Variants in DIAPH2 observed in about 807,000 individuals in gnomAD.
DIAPH2 encodes diaphanous related formin 2.
A neutral mutation model predicts 92.7 loss-of-function variants in DIAPH2; 35 were observed. That is an observed-to-expected ratio of 0.38 (90% CI 0.29 to 0.50). DIAPH2 has a LOEUF of 0.50. DIAPH2 is among the 20% of genes least tolerant of loss of function. The pLI is 0.94. For missense variants in DIAPH2, 701 were observed against 819.5 expected (o/e 0.86, Z 1.77); for synonymous variants, 301 against 280.4 (o/e 1.07, Z -0.73).
intron 4 of DIAPH2, among the ~76,000 whole-genome samples, chrX:96,867,747 T>C (rs1416160992): frequency 8.9e-6 from 1 of 111,808 alleles, no homozygotes; most frequent in African/African-American, 3.2e-5. Context: ...AAATCAACTT[T>C]CATATATTTT....
At chrX:97,001,857 A>G (rs1453672402) in intron 17 of DIAPH2, among the ~76,000 whole-genome samples, 2 of 111,241 alleles carry the variant, frequency 1.8e-5, no homozygotes, top group East Asian at 5.6e-4. Context: ...AGGTAATCCT[A>G]TTTAGCAATG....
intron 16 of DIAPH2, 87 bp downstream of exon 16, chrX:96,958,235 G>T: frequency 1.0e-6 from 1 of 989,522 alleles, no homozygotes; most frequent in Non-Finnish European, 1.3e-6. Flanking sequence ...TTGAGAGTAT[G>T]ACTGCTGACT....
intron 22 of DIAPH2, among the ~76,000 whole-genome samples, chrX:97,197,964 A>G (rs185944831): frequency 8.6e-4 from 96 of 111,524 alleles, no homozygotes; most frequent in Middle Eastern, 4.6e-3. Context: ...AGAAAATGCT[A>G]TTCAGTATTC....
chrX:97,261,001 G>C (rs1311726204), intron 23 of DIAPH2, among the ~76,000 whole-genome samples: 1 of 112,678 alleles, frequency 8.9e-6, no homozygotes, highest in African/African-American at 3.2e-5. Flanking sequence ...CCATGCGTTA[G>C]TCTTTTAGAA....
chrX:96,941,972 C>A, intron 12 of DIAPH2, 46 bp from the exon 13 acceptor site: 1 of 711,664 alleles, frequency 1.4e-6, no homozygotes, highest in Non-Finnish European at 2.2e-6. Context: ...GCAAATTGAT[C>A]TGCATGGTTA....
intron 16 of DIAPH2, among the ~76,000 whole-genome samples, chrX:96,963,282 C>G (rs1490979784): frequency 9.0e-6 from 1 of 111,205 alleles, no homozygotes; most frequent in African/African-American, 3.3e-5. Context: ...TAGCCAGTAT[C>G]ACACCACTGC....
intron 26 of DIAPH2, among the ~76,000 whole-genome samples, chrX:97,441,372 T>C (rs1241074287): frequency 9.0e-6 from 1 of 110,650 alleles, no homozygotes; most frequent in African/African-American, 3.3e-5. Context: ...GAAGTCAGAT[T>C]GCATTGAGTT....
intron 23 of DIAPH2, among the ~76,000 whole-genome samples, chrX:97,329,550 A>G (rs1489040752): frequency 2.7e-5 from 3 of 111,319 alleles, no homozygotes; most frequent in African/African-American, 9.8e-5. Flanking sequence ...AACCTGTTCT[A>G]TCAGTTGTTG....
chrX:96,967,121 G>A (rs1343588901), intron 17 of DIAPH2, among the ~76,000 whole-genome samples: 1 of 111,290 alleles, frequency 9.0e-6, no homozygotes, highest in Non-Finnish European at 1.9e-5. Flanking sequence ...GGTTTGGGAC[G>A]CAAATGATCC....
intron 10 of DIAPH2, among the ~76,000 whole-genome samples, chrX:96,936,451 T>C (rs758864770): frequency 4.5e-5 from 5 of 111,890 alleles, no homozygotes; most frequent in Non-Finnish European, 9.4e-5. Flanking sequence ...ATTATCGATT[T>C]GGGTTTTGAA....
intron 22 of DIAPH2, among the ~76,000 whole-genome samples, chrX:97,240,131 G>A (rs757818108): frequency 5.4e-5 from 6 of 110,618 alleles, no homozygotes; most frequent in Non-Finnish European, 1.1e-4. Context: ...AAATGCCAAG[G>A]AAATACAGAC....
intron 3 of DIAPH2, among the ~76,000 whole-genome samples, chrX:96,756,866 A>G (rs1267088398): frequency 9.3e-6 from 1 of 107,717 alleles, no homozygotes; most frequent in African/African-American, 3.4e-5. Flanking sequence ...CCACAGATTA[A>G]TGATGTTGAA....
chrX:97,573,615 A>G (rs1224981818), intron 26 of DIAPH2, among the ~76,000 whole-genome samples: 2 of 109,682 alleles, frequency 1.8e-5, no homozygotes, highest in African/African-American at 6.6e-5. Flanking sequence ...ATAAAATAAA[A>G]TGGTATCAAG....
At chrX:96,779,890 G>A (rs1357068234) in intron 4 of DIAPH2, among the ~76,000 whole-genome samples, 3 of 111,591 alleles carry the variant, frequency 2.7e-5, no homozygotes, top group African/African-American at 9.8e-5. Context: ...GTTTTTTTCC[G>A]ATTCTGTTTT....
chrX:97,088,064 C>T (rs2066796271), intron 19 of DIAPH2, among the ~76,000 whole-genome samples: 1 of 111,905 alleles, frequency 8.9e-6, no homozygotes, highest in Non-Finnish European at 1.9e-5. Context: ...TTTCCTCCAT[C>T]AATTCATTTT....
intron 17 of DIAPH2, among the ~76,000 whole-genome samples, chrX:96,977,497 A>G (rs1244126340): frequency 9.0e-6 from 1 of 111,297 alleles, no homozygotes; most frequent in South Asian, 3.8e-4. Flanking sequence ...ATAACATTAC[A>G]GACACCTTGT....
intron 22 of DIAPH2, among the ~76,000 whole-genome samples, chrX:97,217,305 T>C (rs1000540472): frequency 2.7e-5 from 3 of 111,589 alleles, no homozygotes; most frequent in Admixed American, 9.5e-5. Context: ...GTAGTTTAAC[T>C]CACTGTCATA....
chrX:97,211,303 T>A (rs2067837789), intron 22 of DIAPH2, among the ~76,000 whole-genome samples: 1 of 110,478 alleles, frequency 9.1e-6, no homozygotes, highest in Admixed American at 9.7e-5. Flanking sequence ...CAGTTTTTAG[T>A]AAGAGGTATG....
intron 17 of DIAPH2, among the ~76,000 whole-genome samples, chrX:97,046,613 G>A (rs1258502834): frequency 1.8e-5 from 2 of 112,149 alleles, no homozygotes; most frequent in Admixed American, 9.4e-5. Context: ...TTACTTTAGA[G>A]TGATATTACT....
Sources: gnomAD v4.1 joint callset for allele counts (sites outside exome capture counted in the v4.1 genomes callset) on GRCh38, gnomAD v4.1.1 for gene constraint, MANE v1.5 for transcripts, NCBI Gene and HGNC (gene_info 2026-07-23, HGNC 2026-07-21) for gene names.